Variants in CACNA2D1 observed in about 807,000 individuals in gnomAD.
CACNA2D1 encodes the protein voltage-dependent calcium channel subunit alpha-2/delta-1.
CACNA2D1 carries 53 observed loss-of-function variants against 171.5 expected under a neutral mutation model. That is an observed-to-expected ratio of 0.31 (90% confidence interval 0.25 to 0.39). CACNA2D1 has a LOEUF of 0.39. Among genes scored for constraint, CACNA2D1 ranks in the 10% least tolerant of loss-of-function variants. CACNA2D1 has a pLI of 1.00. For missense variants in CACNA2D1, 903 were observed against 1,299.8 expected, an observed-to-expected ratio of 0.69 and a Z score of 4.69; for synonymous variants, 442 against 443.1, an observed-to-expected ratio of 1.00 and a Z score of 0.03.
chr7:81,977,046 T>C (rs2130549227), intron 24 of CACNA2D1, among the ~76,000 whole-genome samples: 1 of 152,276 alleles, frequency 6.6e-6, no homozygotes, highest in East Asian at 1.9e-4. Flanking sequence ...CCTTTATTTC[T>C]TTCTCTTGCC....
intron 38 of CACNA2D1, among the ~76,000 whole-genome samples, chr7:81,955,980 A>ATATATATATAT (rs58075516): frequency 7.2e-4 from 25 of 34,556 alleles, no homozygotes; most frequent in East Asian, 1.4e-3. Context: ...ATATATATAT[A>ATATATATATAT]TTTTTTTTTT....
chr7:82,139,380 G>A (rs1792088051), intron 4 of CACNA2D1, among the ~76,000 whole-genome samples: 1 of 152,110 alleles, frequency 6.6e-6, no homozygotes, highest in African/African-American at 2.4e-5. Flanking sequence ...TAAGAGCTAT[G>A]CATGAAACTA....
At chr7:82,343,231 T>C (rs2129445182) in intron 2 of CACNA2D1, 1 of 152,340 alleles carries the variant, frequency 6.6e-6, no homozygotes, top group South Asian at 2.1e-4. Flanking sequence ...CTATAGCATT[T>C]CAAATGGAGC....
At chr7:82,219,899 A>G (rs1431590144) in intron 3 of CACNA2D1, among the ~76,000 whole-genome samples, 1 of 152,186 alleles carries the variant, frequency 6.6e-6, no homozygotes, top group Non-Finnish European at 1.5e-5. Context: ...TTTGAGAGTT[A>G]GAAAAACACC....
intron 5 of CACNA2D1, among the ~76,000 whole-genome samples, chr7:82,135,553 T>C (rs1006891137): frequency 2.0e-5 from 3 of 152,126 alleles, no homozygotes; most frequent in African/African-American, 7.2e-5. Flanking sequence ...ATTAACAGTA[T>C]TGTAGGAACT....
intron 1 of CACNA2D1, among the ~76,000 whole-genome samples, chr7:82,380,705 T>C (rs915771046): frequency 1.3e-5 from 2 of 152,116 alleles, no homozygotes; most frequent in Admixed American, 6.5e-5. Context: ...TATGTGTGTG[T>C]TTGTTTTGAG....
chr7:82,304,687 T>C (rs985604389), intron 3 of CACNA2D1, among the ~76,000 whole-genome samples: 15 of 152,050 alleles, frequency 9.9e-5, no homozygotes, highest in African/African-American at 3.6e-4. Context: ...TAATGATAGA[T>C]AACCAGAGGC....
intron 1 of CACNA2D1, among the ~76,000 whole-genome samples, chr7:82,427,403 T>G (rs571712467): frequency 6.6e-6 from 1 of 152,322 alleles, no homozygotes; most frequent in Admixed American, 6.5e-5. Context: ...ACCAAGTTTT[T>G]AAGAAATAGG....
chr7:82,023,745 T>C (rs573497502), intron 12 of CACNA2D1: 2 of 151,934 alleles, frequency 1.3e-5, no homozygotes, highest in South Asian at 4.1e-4. Flanking sequence ...CTAAGTACAA[T>C]GTTTACAGCA....
At chr7:82,416,070 C>G (rs1447871348) in intron 1 of CACNA2D1, among the ~76,000 whole-genome samples, 1 of 151,764 alleles carries the variant, frequency 6.6e-6, no homozygotes, top group East Asian at 1.9e-4. Context: ...CAAAAATTAG[C>G]TGGTCGTGAT....
At chr7:82,107,011 CT>C (rs1787838701) in intron 6 of CACNA2D1, among the ~76,000 whole-genome samples, 1 of 152,112 alleles carries the variant, frequency 6.6e-6, no homozygotes, top group African/African-American at 2.4e-5. Context: ...GCAGAATTTC[CT>C]TTGGCTGTTT....
intron 4 of CACNA2D1, among the ~76,000 whole-genome samples, chr7:82,158,030 C>T (rs1432866426): frequency 1.3e-5 from 2 of 151,626 alleles, no homozygotes; most frequent in African/African-American, 2.4e-5. Flanking sequence ...AATATATATA[C>T]ACATACAAAT....
chr7:82,365,497 T>A (rs1002382471), intron 1 of CACNA2D1, among the ~76,000 whole-genome samples: 10 of 152,232 alleles, frequency 6.6e-5, no homozygotes, highest in Admixed American at 5.2e-4. Context: ...TAATGTTCAT[T>A]GATTTTCATT....
intron 1 of CACNA2D1, among the ~76,000 whole-genome samples, chr7:82,442,162 G>A (rs889098491): frequency 6.6e-6 from 1 of 152,144 alleles, no homozygotes; most frequent in African/African-American, 2.4e-5. Flanking sequence ...TGACACCTAA[G>A]GTAATAAATA....
chr7:82,042,289 T>C (rs763050161), intron 10 of CACNA2D1, among the ~76,000 whole-genome samples: 1 of 152,174 alleles, frequency 6.6e-6, no homozygotes, highest in African/African-American at 2.4e-5. Flanking sequence ...TTAATTTTCA[T>C]GGGCTGAAGT....
intron 6 of CACNA2D1, among the ~76,000 whole-genome samples, chr7:82,096,936 G>T (rs1811950908): frequency 6.6e-6 from 1 of 152,162 alleles, no homozygotes; most frequent in African/African-American, 2.4e-5. Context: ...CATAGATAAA[G>T]CATCTAAATC....
chr7:82,057,256 A>G (rs913131147), intron 10 of CACNA2D1, among the ~76,000 whole-genome samples: 1 of 152,104 alleles, frequency 6.6e-6, no homozygotes, highest in African/African-American at 2.4e-5. Context: ...CTACACATCA[A>G]TTTTCTCCTC....
chr7:82,026,541 A>C (rs1801941683), intron 12 of CACNA2D1, among the ~76,000 whole-genome samples: 1 of 151,726 alleles, frequency 6.6e-6, no homozygotes, highest in Non-Finnish European at 1.5e-5. Flanking sequence ...TTCTGTGGAA[A>C]GTGAAATGCT....
At chr7:82,144,321 T>C (rs533813981) in intron 4 of CACNA2D1, among the ~76,000 whole-genome samples, 1 of 152,132 alleles carries the variant, frequency 6.6e-6, no homozygotes, top group Non-Finnish European at 1.5e-5. Context: ...TAAAGTTTAA[T>C]TTTTATTTGT....
Sources: allele counts gnomAD v4.1 joint callset (sites outside exome capture counted in the v4.1 genomes callset), GRCh38; gene constraint gnomAD v4.1.1; transcripts MANE v1.5; gene names NCBI Gene and HGNC (gene_info 2026-07-23, HGNC 2026-07-21).